ESR2: variants seen among roughly 807,000 people sequenced by gnomAD.
ESR2 encodes the protein estrogen receptor beta.
In ESR2, 36 loss-of-function variants were observed where a neutral mutation model predicts 49.6. The ratio of observed to expected loss-of-function variants is 0.73; its 90% CI spans 0.56 to 0.96. The LOEUF is 0.96. Among genes scored for constraint, ESR2 ranks in the 40% least tolerant of loss-of-function variants. The pLI, the probability that ESR2 is intolerant of heterozygous loss-of-function variation, is 0.00. For synonymous variants in ESR2, 320 were observed against 266.1 expected (o/e 1.20, Z -1.97); for missense variants, 714 against 693.0 (o/e 1.03, Z -0.34).
intron 1 of ESR2, among the ~76,000 whole-genome samples, chr14:64,300,206 C>T (rs1439772669): frequency 6.6e-6 from 1 of 152,152 alleles, no homozygotes; most frequent in Non-Finnish European, 1.5e-5. Context: ...GGGTGTTTTC[C>T]AGATTTGCAC....
In ESR2 at chr14:64,290,668, G is replaced by T. The variant is rs565522592; in HGVS notation, c.-91+3365C>A. ...TCCAGCCACCTAGGCCTCCCAAAGT[G>T]CTGAGATTACAGGCGTGAGCCACCA... On this transcript the variant is annotated intron_variant, in intron 1 of 8. Coordinates refer to ENST00000341099, the MANE Select transcript of ESR2 (RefSeq NM_001437.3). 3.9e-5 allele frequency among the ~76,000 whole-genome samples: 6 copies of T among 152,140 alleles called. No individual in the cohort carries two copies. In the South Asian group the frequency reaches 1.2e-3, roughly 32 times the overall value.
In ESR2 at chr14:64,244,078, T is replaced by TG. The variant is rs536204890; in HGVS notation, c.1225+5467dup. ...TTATTTCTGGGTATGTCTGTGAGAG[T>TG]GTTCCAGGAAGAGACTGGCATTAGA... On this transcript the variant is annotated intron_variant, in intron 7 of 8. Transcript: ENST00000341099. Among the ~76,000 whole-genome samples, 49 of 151,400 alleles carry TG rather than the reference T, an allele frequency of 3.2e-4. 1 individual carries two copies. In the South Asian group the frequency reaches 5.4e-3, roughly 17 times the overall value.
chr14:64,234,799 C>A, intron 8 of ESR2, 171 bp downstream of exon 8: 1 of 1,371,030 alleles, frequency 7.3e-7, no homozygotes, highest in East Asian at 2.5e-5. Flanking sequence ...TCCTTCCATG[C>A]CCACTCTGTG....
At chr14:64,258,669 G>C (rs138712376) in intron 5 of ESR2, among the ~76,000 whole-genome samples, 1 of 152,280 alleles carries the variant, frequency 6.6e-6, no homozygotes, top group African/African-American at 2.4e-5. Context: ...GCCTCAAGGA[G>C]AATGTAATGG....
intron 1 of ESR2, among the ~76,000 whole-genome samples, chr14:64,311,501 G>A (rs55857324): frequency 0.15 from 22,425 of 152,016 alleles, 2,209 homozygotes; most frequent in Middle Eastern, 0.22. Context: ...TGAGCCAGGT[G>A]TGGTGGTGTG....
intron 6 of ESR2, 75 bp downstream of exon 6, chr14:64,257,151 C>T: frequency 7.2e-7 from 1 of 1,396,052 alleles, no homozygotes; most frequent in South Asian, 1.2e-5. Flanking sequence ...ATTGCAGCAC[C>T]CAGGACTTTG....
intron 1 of ESR2, among the ~76,000 whole-genome samples, chr14:64,290,701 C>A (rs1024739670): frequency 2.6e-5 from 4 of 152,166 alleles, no homozygotes; most frequent in Non-Finnish European, 2.9e-5. Context: ...CCACACCCAG[C>A]CTTTTTAAAT....
rs147847668 is a variant in ESR2 at position 64,249,670 on chromosome 14, C to T, written c.1101G>A (p.Gly367=). ...APDLVLDRDE[G]KCVEGILEIF... is the part of the protein sequence containing the mutation. ...TTTCCAGAATTCCTTCTACGCATTT[C>T]CCCTCATCCCTACAAAAGTTCGTTT... The change falls in exon 7 of 9, where the codon GGG becomes GGA. Residue 367 remains glycine (G), a synonymous_variant. Transcript: ENST00000341099. The T allele has an allele frequency of 2.3e-5, 37 of 1,610,886 alleles. No individual in the cohort carries two copies. In the Admixed American group the frequency reaches 5.6e-4, roughly 24 times the overall value.
At chr14:64,269,386 A>G (rs1229830276) in intron 3 of ESR2, among the ~76,000 whole-genome samples, 2 of 152,254 alleles carry the variant, frequency 1.3e-5, no homozygotes, top group African/African-American at 4.8e-5. Flanking sequence ...CAATCTAAAT[A>G]ATGACAGAAA....
chr14:64,253,560 T>TTG (rs752711685), intron 6 of ESR2, among the ~76,000 whole-genome samples: 12,048 of 136,456 alleles, frequency 0.088, 505 homozygotes, highest in Admixed American at 0.12. Flanking sequence ...GGTACACTAT[T>TTG]TGTGTGTGTG....
chr14:64,334,494 C>T (rs1450228569), intron 1 of ESR2, among the ~76,000 whole-genome samples: 2 of 152,056 alleles, frequency 1.3e-5, no homozygotes, highest in Admixed American at 6.6e-5. Context: ...AGTGAATGAT[C>T]GAAGAGAGAG....
At chr14:64,276,241 AG>A (rs1341423698) in intron 3 of ESR2, among the ~76,000 whole-genome samples, 5 of 152,226 alleles carry the variant, frequency 3.3e-5, no homozygotes, top group Non-Finnish European at 2.9e-5. Flanking sequence ...ATGTAATAAT[AG>A]GTTAATATAT....
intron 1 of ESR2, 130 bp downstream of exon 1, chr14:64,293,903 G>A (rs2076911990): frequency 6.6e-6 from 1 of 152,238 alleles, no homozygotes; most frequent in Non-Finnish European, 1.5e-5. Context: ...CTTTCCAGTA[G>A]CTTTCAGGAC....
chr14:64,274,033 G>A (rs933273218), intron 3 of ESR2, among the ~76,000 whole-genome samples: 2 of 149,672 alleles, frequency 1.3e-5, no homozygotes, highest in South Asian at 2.1e-4. Context: ...TTGACTTCCC[G>A]GTCCCAAGCT....
intron 1 of ESR2, among the ~76,000 whole-genome samples, chr14:64,306,653 C>T (rs998626180): frequency 2.0e-5 from 3 of 152,242 alleles, no homozygotes; most frequent in South Asian, 2.1e-4. Flanking sequence ...ATGCATTGTC[C>T]TTTTTACATA....
intron 1 of ESR2, among the ~76,000 whole-genome samples, chr14:64,289,101 A>G (rs2076829064): frequency 6.6e-6 from 1 of 152,170 alleles, no homozygotes; most frequent in Admixed American, 6.5e-5. Context: ...AAGCCAGGCA[A>G]TCTTAGACAA....
rs569270318 is a variant in ESR2 at position 64,279,972 on chromosome 14, C to T, written c.535+9G>A. The T allele has an allele frequency of 5.2e-5, 84 of 1,609,246 alleles. No individual in the cohort carries two copies. The highest frequency in any genetic ancestry group is 6.5e-5 in the Non-Finnish European group (77 of 1,176,230). On this transcript the variant is annotated intron_variant, in intron 3 of 8. Transcript: ENST00000341099. ...GAAACTAAAGAAGCAGTTAACAATT[C>T]TCTTGTACCTTGAATGCTTCTTTTA...
Position 64,249,560 on chromosome 14 carries a change from A to C in ESR2, c.1211T>G (p.Ile404Ser). The change falls in exon 7 of 9, where the codon ATC becomes AGC. Residue 404 changes from isoleucine to serine, a missense_variant. Transcript: ENST00000341099. ...TGATTACTTACTGGAATTGAGCAGG[A>C]TCATGGCCTTGACACAGAGATATTC... is the stretch of plus-strand genomic sequence containing the variant. ...HKEYLCVKAM[I>S]LLNSSMYPLV... 1 of 1,614,012 alleles carries C rather than the reference A, an allele frequency of 6.2e-7. No homozygotes were observed. Among genetic ancestry groups the C allele is most frequent in the South Asian group, 1.1e-5 (1 of 91,044 alleles).
chr14:64,273,707 T>C (rs374522199), intron 3 of ESR2, among the ~76,000 whole-genome samples: 28 of 152,220 alleles, frequency 1.8e-4, no homozygotes, highest in African/African-American at 6.3e-4. Context: ...TTGTATTTTA[T>C]TGAGGATTTT....
Sources: gnomAD v4.1 joint callset for allele counts (sites outside exome capture counted in the v4.1 genomes callset) on GRCh38, gnomAD v4.1.1 for gene constraint, MANE v1.5 for transcripts, NCBI Gene and HGNC (gene_info 2026-07-23, HGNC 2026-07-21) for gene names.